AZIN2: variants seen among roughly 807,000 people sequenced by gnomAD.
AZIN2 encodes the protein antizyme inhibitor 2.
A neutral mutation model predicts 47.8 loss-of-function variants in AZIN2; 28 were observed. The observed-to-expected ratio is 0.59, with a 90% CI of 0.43 to 0.80. The LOEUF (loss-of-function observed/expected upper bound fraction) is 0.80, where lower values mean the gene tolerates loss of function less well. Among genes scored for constraint, AZIN2 ranks in the 30% least tolerant of loss-of-function variants. AZIN2 has a pLI of 0.00. For missense variants in AZIN2, 535 were observed against 582.5 expected (o/e 0.92, Z 0.84); for synonymous variants, 221 against 239.4 (o/e 0.92, Z 0.71).
rs1489868316 is a variant in AZIN2, at chr1:33,096,873, G to A, written c.916+4G>A. The A allele has an allele frequency of 7.4e-6, 12 of 1,614,130 alleles. No individual in the cohort carries two copies. The South Asian group carries it at 1.3e-4, about 18-fold the overall frequency. On this transcript the variant is annotated splice_donor_region_variant and intron_variant, in intron 9 of 11. Transcript: ENST00000294517. ...CTAGACCAGCCTGGCAGGGAGGGTA[G>A]GTGCCAGGTGGGCAGTGGAGCCCTG... is the stretch of plus-strand genomic sequence containing the variant.
the AZIN2 span, chr1:33,146,875 C>T: frequency 2.4e-6 from 1 of 412,564 alleles, no homozygotes; most frequent in Non-Finnish European, 4.5e-6. Flanking sequence ...AAGGTAGTCC[C>T]CTGCCCCTGA....
chr1:33,136,116 TTCC>T, the AZIN2 span, among the ~76,000 whole-genome samples: 344 of 30,678 alleles, frequency 0.011, 2 homozygotes, highest in African/African-American at 0.035. Flanking sequence ...GGGCCAGCCC[TTCC>T]TTCCTTCCTT....
In AZIN2 at chr1:33,117,903, A is replaced by G. The variant is rs202005453; in HGVS notation, c.1031A>G (p.Lys344Arg). The change falls in exon 11 of 12, where the codon AAA becomes AGA. Residue 344 changes from lysine to arginine, a missense_variant and splice_region_variant. Physicochemically the swap from Lys to Arg is conservative, Grantham distance 26. This residue lies in a region of AZIN2 where 409 missense variants were observed against 429.0 expected (regional missense o/e 0.95). Coordinates refer to ENST00000294517, the MANE Select transcript of AZIN2 (RefSeq NM_052998.4). ...CATGGCCATCCCTTCTTCCTACAGAAACCATCCACGGAGCAGCCCCTGTAC... is the reference window on the plus strand; with the variant it reads ...CATGGCCATCCCTTCTTCCTACAGAGACCATCCACGGAGCAGCCCCTGTAC... The part of the protein sequence containing the change: ...NICPTPILQK[K>R]PSTEQPLYSS... The G allele has an allele frequency of 1.2e-6, 2 of 1,614,164 alleles. No homozygotes were observed. The highest frequency in any genetic ancestry group is 8.5e-7 in the Non-Finnish European group (1 of 1,180,010).
chr1:33,120,682 C>T lies in AZIN2; in HGVS notation c.*500C>T, dbSNP rs1392105417. On this transcript the variant is annotated 3_prime_UTR_variant, in exon 12 of 12. Transcript: ENST00000294517. ...CCCCACTAGTACTCACCTTATCTGA[C>T]TCATCTCTCTCCTCCTCATGGGCCT... Among the ~76,000 whole-genome samples the T allele has an allele frequency of 6.6e-6, 1 of 152,156 alleles. No individual in the cohort carries two copies. Among genetic ancestry groups the T allele is most frequent in the Non-Finnish European group, 1.5e-5 (1 of 68,026 alleles).
the AZIN2 span, chr1:33,159,724 T>G: frequency 6.2e-7 from 1 of 1,611,626 alleles, no homozygotes. This position sits in a 1 kb window ranked among gnomAD's most constrained non-coding sequence, Gnocchi z 4.2. Flanking sequence ...CAGGAAGGTG[T>G]GCCGGTCGGT....
chr1:33,114,314 C>A (rs1419448482), intron 10 of AZIN2, among the ~76,000 whole-genome samples: 1 of 109,958 alleles, frequency 9.1e-6, no homozygotes, highest in Non-Finnish European at 1.9e-5. Flanking sequence ...AGAGACAGGG[C>A]TTTACCATGT....
At chr1:33,159,149 C>T in the AZIN2 span, among the ~76,000 whole-genome samples, 1 of 151,876 alleles carries the variant, frequency 6.6e-6, no homozygotes, top group Non-Finnish European at 1.5e-5. This position sits in a 1 kb window ranked among gnomAD's most constrained non-coding sequence, Gnocchi z 4.2. Context: ...CCAGCAGGAG[C>T]CTCAGTTTCT....
intron 8 of AZIN2, 32 bp from the exon 9 acceptor site, chr1:33,096,675 A>G (rs376181095): frequency 2.2e-5 from 35 of 1,611,492 alleles, no homozygotes; most frequent in Non-Finnish European, 2.9e-5. Flanking sequence ...CATTTCAAAC[A>G]CATAATTGTC....
the AZIN2 span, among the ~76,000 whole-genome samples, chr1:33,161,069 G>A: frequency 6.6e-6 from 1 of 152,260 alleles, no homozygotes; most frequent in African/African-American, 2.4e-5. The surrounding 1 kb of genome is among the most constrained non-coding windows in gnomAD (Gnocchi z 4.3). Context: ...GTGAACCTTA[G>A]TTTTCTTATC....
At chr1:33,096,653 G>T in intron 8 of AZIN2, 54 bp from the exon 9 acceptor site, 2 of 1,599,236 alleles carry the variant, frequency 1.3e-6, no homozygotes, top group Non-Finnish European at 8.6e-7. Flanking sequence ...CAAGTCTTCA[G>T]CATAAAGCCC....
chr1:33,104,961 A>G (rs559423724), intron 10 of AZIN2, among the ~76,000 whole-genome samples: 2 of 152,328 alleles, frequency 1.3e-5, no homozygotes, highest in East Asian at 3.9e-4. Context: ...CCTTGAGATT[A>G]CAGACATGAG....
chr1:33,156,063 G>T, the AZIN2 span, among the ~76,000 whole-genome samples: 305 of 152,306 alleles, frequency 2.0e-3, no homozygotes, highest in African/African-American at 7.1e-3. Context: ...GGCTCCTGAA[G>T]ATGAACTGTC....
At chr1:33,093,650 G>T (rs1642818489) in intron 7 of AZIN2, among the ~76,000 whole-genome samples, 2 of 152,032 alleles carry the variant, frequency 1.3e-5, no homozygotes, top group Non-Finnish European at 2.9e-5. Flanking sequence ...CAGAGACCTG[G>T]CTTTGAGGGA....
At chr1:33,096,959 C>A in intron 9 of AZIN2, 90 bp downstream of exon 9, 1 of 1,514,340 alleles carries the variant, frequency 6.6e-7, no homozygotes, top group Non-Finnish European at 9.1e-7. Context: ...GACCCAGTGG[C>A]AGAGGATGGG....
intron 10 of AZIN2, among the ~76,000 whole-genome samples, chr1:33,111,699 C>T (rs1240172853): frequency 1.3e-5 from 2 of 151,476 alleles, no homozygotes; most frequent in Non-Finnish European, 2.9e-5. Flanking sequence ...CCTCCCAGGT[C>T]CAAGCAATTC....
the AZIN2 span, chr1:33,165,358 C>T: frequency 3.9e-6 from 4 of 1,016,766 alleles, no homozygotes; most frequent in Non-Finnish European, 5.6e-6. This position sits in a 1 kb window ranked among gnomAD's most constrained non-coding sequence, Gnocchi z 4.0. Flanking sequence ...CTCCTTGAAG[C>T]CAGGTTTCCA....
chr1:33,094,468 C>T, intron 7 of AZIN2, 80 bp from the exon 8 acceptor site: 2 of 1,447,708 alleles, frequency 1.4e-6, no homozygotes, highest in South Asian at 2.5e-5. Flanking sequence ...ATGTGCCTGC[C>T]CAATGTCATT....
chr1:33,158,076 G>A, the AZIN2 span, among the ~76,000 whole-genome samples: 3 of 152,130 alleles, frequency 2.0e-5, no homozygotes, highest in Non-Finnish European at 4.4e-5. Flanking sequence ...TGTTATGAAG[G>A]TCCACTGAGC....
At chr1:33,148,521 G>A in the AZIN2 span, among the ~76,000 whole-genome samples, 1 of 152,144 alleles carries the variant, frequency 6.6e-6, no homozygotes, top group Non-Finnish European at 1.5e-5. Context: ...TTTGAGGCAG[G>A]ATGGTGTTTT....
Sources: allele counts gnomAD v4.1 joint callset (sites outside exome capture counted in the v4.1 genomes callset), GRCh38; gene constraint gnomAD v4.1.1; regional missense constraint gnomAD v4.1.1; non-coding constraint Gnocchi (gnomAD v3.1); transcripts MANE v1.5; gene names NCBI Gene and HGNC (gene_info 2026-07-23, HGNC 2026-07-21).